CCSER1: variants seen among roughly 807,000 people sequenced by gnomAD.
CCSER1 encodes serine-rich coiled-coil domain-containing protein 1.
In CCSER1, 41 loss-of-function variants were observed where a neutral mutation model predicts 82.0. The observed-to-expected ratio is 0.50, with a 90% confidence interval of 0.39 to 0.65. CCSER1 has a LOEUF of 0.65. CCSER1 is among the 30% of genes least tolerant of loss of function. The probability of loss-of-function intolerance (pLI) is 0.00; values close to 1 mark genes in which losing one functional copy is unlikely to be tolerated. For missense variants in CCSER1, 1,119 were observed against 1,064.2 expected, an observed-to-expected ratio of 1.05 and a Z score of -0.72; for synonymous variants, 414 against 383.9, an observed-to-expected ratio of 1.08 and a Z score of -0.92.
At chr4:91,449,519 A>T (rs1319633225) in intron 10 of CCSER1, among the ~76,000 whole-genome samples, 2 of 151,978 alleles carry the variant, frequency 1.3e-5, no homozygotes, top group East Asian at 3.9e-4. Flanking sequence ...CAAATTTGTA[A>T]TAATACAGGA....
intron 10 of CCSER1, among the ~76,000 whole-genome samples, chr4:91,231,123 A>G (rs1438849772): frequency 1.3e-5 from 2 of 151,906 alleles, no homozygotes; most frequent in South Asian, 2.1e-4. Flanking sequence ...TTAAAAACAC[A>G]TATTCATAAA....
chr4:90,979,466 A>G (rs1735910431), intron 9 of CCSER1, among the ~76,000 whole-genome samples: 1 of 151,706 alleles, frequency 6.6e-6, no homozygotes, highest in Non-Finnish European at 1.5e-5. Flanking sequence ...AAATGTCTTT[A>G]AATTTGTTTA....
At chr4:91,154,711 G>A (rs904026694) in intron 10 of CCSER1, among the ~76,000 whole-genome samples, 29 of 151,934 alleles carry the variant, frequency 1.9e-4, no homozygotes, top group African/African-American at 5.8e-4. Context: ...AAGTAAACCA[G>A]TAACTATGCA....
At chr4:91,088,370 CAG>C (rs1307973943) in intron 10 of CCSER1, among the ~76,000 whole-genome samples, 3 of 151,914 alleles carry the variant, frequency 2.0e-5, no homozygotes, top group African/African-American at 7.3e-5. Flanking sequence ...GTAATGAAAA[CAG>C]AGTATTCATA....
chr4:90,205,460 T>A (rs1738620118), intron 1 of CCSER1, among the ~76,000 whole-genome samples: 3 of 152,212 alleles, frequency 2.0e-5, no homozygotes, highest in Admixed American at 2.0e-4. Flanking sequence ...GATAATCATG[T>A]GGTTTTTGTC....
chr4:91,068,163 C>G (rs1000457553), intron 9 of CCSER1, among the ~76,000 whole-genome samples: 6 of 152,202 alleles, frequency 3.9e-5, no homozygotes, highest in Admixed American at 3.9e-4. Flanking sequence ...TTATAACATT[C>G]TCTTCTCAAT....
Position 91,379,516 on chromosome 4 carries a change from C to T in CCSER1, c.2218-219056C>T, listed in dbSNP as rs545575708. Among the ~76,000 whole-genome samples, 6 of 152,264 alleles carry T rather than the reference C, an allele frequency of 3.9e-5. No individual in the cohort carries two copies. The South Asian group carries it at 1.2e-3, about 32-fold the overall frequency. The stretch of plus-strand genomic sequence containing the variant: ...GTGTCCAGGAGTTTATCCATTTCTT[C>T]TAGATTTTCTAGTTTATTTGCATAG... On this transcript the variant is annotated intron_variant, in intron 10 of 10. Coordinates refer to ENST00000509176, the MANE Select transcript of CCSER1 (RefSeq NM_001145065.2).
intron 10 of CCSER1, among the ~76,000 whole-genome samples, chr4:91,522,481 G>A (rs1013144919): frequency 1.3e-5 from 2 of 152,076 alleles, no homozygotes; most frequent in African/African-American, 2.4e-5. Flanking sequence ...CCATTTTCAC[G>A]ATATTGATTC....
At chr4:90,817,568 A>G (rs1006532586) in intron 8 of CCSER1, among the ~76,000 whole-genome samples, 2 of 152,128 alleles carry the variant, frequency 1.3e-5, no homozygotes, top group African/African-American at 2.4e-5. Context: ...TCAGGGAACA[A>G]TCAAGCAGCA....
chr4:90,643,130 T>C (rs565762008), intron 6 of CCSER1, among the ~76,000 whole-genome samples: 8 of 152,318 alleles, frequency 5.3e-5, no homozygotes, highest in African/African-American at 1.9e-4. Context: ...ATGAATATTG[T>C]TTTGTTATGC....
In CCSER1 at chr4:90,571,610, C is replaced by T. The variant is rs181595429; in HGVS notation, c.1725-56415C>T. Among the ~76,000 whole-genome samples the T allele has an allele frequency of 1.4e-4, 22 of 152,154 alleles. 1 individual carries two copies. The East Asian group carries it at 1.9e-3, about 13-fold the overall frequency. On this transcript the variant is annotated intron_variant, in intron 5 of 10. Coordinates refer to ENST00000509176, the MANE Select transcript of CCSER1 (RefSeq NM_001145065.2). ...GACTCCAAAATGAGGGAGGGAGGAA[C>T]GGGGGCAAGTGCTGAAAAACTAACT... is the stretch of plus-strand genomic sequence containing the variant.
intron 1 of CCSER1, among the ~76,000 whole-genome samples, chr4:90,248,439 A>G (rs952122927): frequency 6.6e-6 from 1 of 152,146 alleles, no homozygotes; most frequent in Non-Finnish European, 1.5e-5. Context: ...GTCCTGTACT[A>G]CAGACCCTGC....
chr4:90,655,590 G>T (rs1729559467), intron 6 of CCSER1, among the ~76,000 whole-genome samples: 1 of 151,932 alleles, frequency 6.6e-6, no homozygotes, highest in Non-Finnish European at 1.5e-5. Context: ...AAAACTCTGA[G>T]AATGAGTAAG....
intron 10 of CCSER1, among the ~76,000 whole-genome samples, chr4:91,254,522 TG>T (rs904884445): frequency 2.6e-5 from 4 of 152,146 alleles, no homozygotes; most frequent in African/African-American, 9.7e-5. Context: ...AACAGAATGG[TG>T]GTTGTAAGAG....
intron 10 of CCSER1, among the ~76,000 whole-genome samples, chr4:91,519,871 C>T (rs144766811): frequency 1.2e-3 from 185 of 152,216 alleles, no homozygotes; most frequent in African/African-American, 3.6e-3. Flanking sequence ...ATTTACTTGC[C>T]ACCTCCTTTT....
chr4:91,252,580 CA>C (rs1740335342), intron 10 of CCSER1, among the ~76,000 whole-genome samples: 1 of 152,080 alleles, frequency 6.6e-6, no homozygotes, highest in African/African-American at 2.4e-5. Context: ...TTTATTTCTA[CA>C]TAAGTTTAAT....
chr4:90,585,487 G>T (rs1673682857), intron 5 of CCSER1, among the ~76,000 whole-genome samples: 1 of 152,058 alleles, frequency 6.6e-6, no homozygotes, highest in Non-Finnish European at 1.5e-5. Flanking sequence ...TTAATTGCTT[G>T]CATGAAAACA....
At chr4:90,216,337 A>G (rs1446760032) in intron 1 of CCSER1, among the ~76,000 whole-genome samples, 1 of 152,206 alleles carries the variant, frequency 6.6e-6, no homozygotes, top group Non-Finnish European at 1.5e-5. Context: ...GTACTAAGGC[A>G]TAATATAGGA....
rs138148526 is a variant in CCSER1, at chr4:91,298,196, G to A, written c.2217+212202G>A. ...AGAAAAGTGGATCAGTCAGATTTCC[G>A]TGCAAGTATTAGATACTACTTAAAT... On this transcript the variant is annotated intron_variant, in intron 10 of 10. Transcript: ENST00000509176. Among the ~76,000 whole-genome samples the A allele has an allele frequency of 5.9e-5, 9 of 152,122 alleles. No individual in the cohort carries two copies. In the South Asian group the frequency reaches 6.2e-4, roughly 11 times the overall value.
Sources: gnomAD v4.1 joint callset for allele counts (sites outside exome capture counted in the v4.1 genomes callset) on GRCh38, gnomAD v4.1.1 for gene constraint, MANE v1.5 for transcripts, NCBI Gene and HGNC (gene_info 2026-07-23, HGNC 2026-07-21) for gene names.